The following NBEA variants were observed in gnomAD, a reference collection of about 807,000 sequenced individuals.
The protein encoded by NBEA is neurobeachin.
Under a neutral mutation model 343.4 loss-of-function variants are expected in NBEA, and 44 were observed. The observed-to-expected ratio is 0.13, with a 90% CI of 0.10 to 0.16. The LOEUF is 0.16. NBEA is among the 10% of genes least tolerant of loss of function. The pLI is 1.00. For missense variants in NBEA, 2,555 were observed against 3,631.3 expected (o/e 0.70, Z 7.62); for synonymous variants, 1,175 against 1,238.7 (o/e 0.95, Z 1.08).
chr13:35,613,683 C>A (rs2153056117), intron 48 of NBEA, among the ~76,000 whole-genome samples: 1 of 152,158 alleles, frequency 6.6e-6, no homozygotes, highest in South Asian at 2.1e-4. Flanking sequence ...TGCAGTGGTG[C>A]AATCAGTGAC....
chr13:35,107,871 C>T (rs1284059526), intron 11 of NBEA, among the ~76,000 whole-genome samples: 1 of 152,020 alleles, frequency 6.6e-6, no homozygotes, highest in Non-Finnish European at 1.5e-5. Context: ...AATTGGCCCA[C>T]AGTAATATTC....
intron 1 of NBEA, among the ~76,000 whole-genome samples, chr13:35,013,909 C>T (rs2152535735): frequency 6.6e-6 from 1 of 151,820 alleles, no homozygotes; most frequent in South Asian, 2.1e-4. Flanking sequence ...TTTGTATTTT[C>T]TGATCCATTA....
chr13:35,138,373 C>G (rs551416269), intron 17 of NBEA, among the ~76,000 whole-genome samples: 2 of 150,900 alleles, frequency 1.3e-5, no homozygotes, highest in East Asian at 3.9e-4. Context: ...AAAAATGTGT[C>G]TAAAGGAAAA....
At chr13:35,249,775 C>A (rs1356666635) in intron 34 of NBEA, among the ~76,000 whole-genome samples, 1 of 152,162 alleles carries the variant, frequency 6.6e-6, no homozygotes, top group African/African-American at 2.4e-5. Flanking sequence ...TTATTTGCGA[C>A]CTACATTTAT....
intron 18 of NBEA, among the ~76,000 whole-genome samples, chr13:35,154,778 A>T (rs535218369): frequency 1.3e-5 from 2 of 152,256 alleles, no homozygotes; most frequent in East Asian, 3.9e-4. Context: ...TAAAAAACTC[A>T]TTAGTAAATG....
chr13:35,013,728 C>T (rs950959284), intron 1 of NBEA, among the ~76,000 whole-genome samples: 2 of 152,150 alleles, frequency 1.3e-5, no homozygotes, highest in African/African-American at 4.8e-5. Flanking sequence ...CTTGCCCTCC[C>T]AAAGTGCTGG....
In NBEA at chr13:35,356,617, C is replaced by T. The variant is rs192183041; in HGVS notation, c.6179+4294C>T. 3.0e-4 allele frequency among the ~76,000 whole-genome samples: 46 copies of T among 152,080 alleles called. No homozygotes were observed. The South Asian group carries it at 8.3e-3, about 27-fold the overall frequency. ...AAATATTCTTCCATATTAGAGTGAC[C>T]GTTGATTTTTTGTTTGGAGTTCATC... On this transcript the variant is annotated intron_variant, in intron 38 of 58. Coordinates refer to ENST00000379939, the MANE Select transcript of NBEA (RefSeq NM_001385012.1).
At chr13:34,976,171 C>T (rs571625450) in intron 1 of NBEA, among the ~76,000 whole-genome samples, 12 of 152,264 alleles carry the variant, frequency 7.9e-5, no homozygotes, top group South Asian at 2.1e-4. Context: ...ATGGAATCCT[C>T]CCAAGTGCCC....
At chr13:35,529,564 T>G (rs2152997568) in intron 41 of NBEA, among the ~76,000 whole-genome samples, 1 of 152,326 alleles carries the variant, frequency 6.6e-6, no homozygotes, top group South Asian at 2.1e-4. Flanking sequence ...AATCAACCTA[T>G]GCATATTACA....
intron 18 of NBEA, among the ~76,000 whole-genome samples, chr13:35,144,707 G>C (rs1211985111): frequency 6.6e-6 from 1 of 152,102 alleles, no homozygotes; most frequent in Non-Finnish European, 1.5e-5. Flanking sequence ...GCTGATTAGA[G>C]ATGTTGGCCC....
At position 35,414,744 on chromosome 13, in the gene NBEA, C is replaced by T. The variant is rs1179212413; in HGVS notation, c.6180-17525C>T. On this transcript the variant is annotated intron_variant, in intron 38 of 58. Coordinates refer to ENST00000379939, the MANE Select transcript of NBEA (RefSeq NM_001385012.1). ...GATTTATAATCCTTTGGGAATATGC[C>T]CAGTAATGGGATGGCTGGGTCAAAT... 1.1e-4 allele frequency among the ~76,000 whole-genome samples: 17 copies of T among 152,182 alleles called. No individual in the cohort carries two copies. The South Asian group carries it at 3.3e-3, about 30-fold the overall frequency.
At chr13:35,663,281 T>A (rs2085190696) in intron 55 of NBEA, among the ~76,000 whole-genome samples, 1 of 152,294 alleles carries the variant, frequency 6.6e-6, no homozygotes, top group South Asian at 2.1e-4. Context: ...CCACCACCCT[T>A]GCCAGCCTCT....
intron 1 of NBEA, among the ~76,000 whole-genome samples, chr13:34,992,596 A>G (rs1266576263): frequency 6.6e-6 from 1 of 152,022 alleles, no homozygotes; most frequent in East Asian, 1.9e-4. Context: ...TGACTTGGTA[A>G]CGAGGTATTT....
At chr13:35,253,536 G>A (rs1311604306) in intron 34 of NBEA, among the ~76,000 whole-genome samples, 1 of 152,200 alleles carries the variant, frequency 6.6e-6, no homozygotes, top group Non-Finnish European at 1.5e-5. Flanking sequence ...TGGACCTTCA[G>A]TATCTCTGAG....
intron 46 of NBEA, among the ~76,000 whole-genome samples, chr13:35,589,716 C>T (rs183815355): frequency 3.3e-5 from 5 of 152,190 alleles, no homozygotes; most frequent in African/African-American, 1.2e-4. Context: ...ATTAGTTGAT[C>T]TGTAATCATC....
intron 1 of NBEA, among the ~76,000 whole-genome samples, chr13:34,964,248 G>A (rs1445681688): frequency 2.0e-5 from 3 of 151,968 alleles, no homozygotes; most frequent in African/African-American, 7.2e-5. Context: ...AGCACACTGA[G>A]CTTTGGATGT....
chr13:35,422,816 C>T (rs1295059165), intron 38 of NBEA, among the ~76,000 whole-genome samples: 1 of 152,150 alleles, frequency 6.6e-6, no homozygotes, highest in Non-Finnish European at 1.5e-5. Flanking sequence ...TCTGTTGTTT[C>T]CTGACTTTTT....
chr13:35,640,729 C>A (rs2083905751), intron 49 of NBEA, among the ~76,000 whole-genome samples: 1 of 152,158 alleles, frequency 6.6e-6, no homozygotes, highest in Non-Finnish European at 1.5e-5. Flanking sequence ...GCTCTATATA[C>A]AGATAAGCAG....
intron 34 of NBEA, among the ~76,000 whole-genome samples, chr13:35,263,361 A>C (rs1487948972): frequency 1.3e-5 from 2 of 152,198 alleles, no homozygotes; most frequent in African/African-American, 4.8e-5. Flanking sequence ...GACTTTTAGC[A>C]ATGGAGAGAT....
Sources: gnomAD v4.1 joint callset for allele counts (sites outside exome capture counted in the v4.1 genomes callset) on GRCh38, gnomAD v4.1.1 for gene constraint, MANE v1.5 for transcripts, NCBI Gene and HGNC (gene_info 2026-07-23, HGNC 2026-07-21) for gene names.